ELAC1: variants seen among roughly 807,000 people sequenced by gnomAD.
ELAC1 encodes the protein elaC ribonuclease Z 1.
A neutral mutation model predicts 25.8 loss-of-function variants in ELAC1; 19 were observed. That is an observed-to-expected ratio of 0.74 (90% CI 0.51 to 1.08). The LOEUF (loss-of-function observed/expected upper bound fraction) is 1.08. ELAC1 is among the 50% of genes least tolerant of loss of function. ELAC1 has a pLI of 0.00. For synonymous variants in ELAC1, 148 were observed against 160.9 expected (o/e 0.92, Z 0.61); for missense variants, 403 against 434.6 (o/e 0.93, Z 0.65).
At chr18:50,986,011 CTTTTTTTTTTTTT>C (rs34348056) in intron 3 of ELAC1, among the ~76,000 whole-genome samples, 3 of 85,010 alleles carry the variant, frequency 3.5e-5, no homozygotes, top group African/African-American at 1.4e-4. Flanking sequence ...TTGATTATAT[CTTTTTTTTTTTTT>C]TTTTTTTTTT....
At chr18:50,981,692 T>G (rs1907952766) in intron 2 of ELAC1, among the ~76,000 whole-genome samples, 1 of 152,172 alleles carries the variant, frequency 6.6e-6, no homozygotes, top group Non-Finnish European at 1.5e-5. Flanking sequence ...AGGAAGCAGT[T>G]TGTCACTTAA....
At chr18:50,975,696 C>T (rs1907782578) in intron 2 of ELAC1, among the ~76,000 whole-genome samples, 1 of 151,992 alleles carries the variant, frequency 6.6e-6, no homozygotes, top group African/African-American at 2.4e-5. Context: ...GTACCTGGCA[C>T]TTGGTGACTA....
Position 50,974,467 on chromosome 18 carries a change from C to G in ELAC1, c.63C>G (p.Ala21=), listed in dbSNP as rs1405173331. The G allele has an allele frequency of 1.9e-6, 3 of 1,604,106 alleles. No individual in the cohort carries two copies. Among genetic ancestry groups the G allele is most frequent in the South Asian group, 2.2e-5 (2 of 89,806 alleles). ...GAAYPSPTRG[A]SAVVLRCEGE... ...CATACCCATCTCCAACCCGGGGTGC[C>G]TCTGCTGTGGTCCTTCGGTGTGAAG... Residue 21 remains alanine, a synonymous_variant, in exon 2 of 4, where the codon GCC becomes GCG. Coordinates refer to ENST00000269466, the MANE Select transcript of ELAC1 (RefSeq NM_018696.3).
In ELAC1 at chr18:50,977,064, C is replaced by T. The variant is rs183297478; in HGVS notation, c.157+2503C>T. ...GTCTTGGGCAGCTCTACTCCTGTGG[C>T]TTTACAGGGTATAGCCCACTTCCTG... On this transcript the variant is annotated intron_variant, in intron 2 of 3. Transcript: ENST00000269466. Among the ~76,000 whole-genome samples, 811 of 152,316 alleles carry T rather than the reference C, an allele frequency of 5.3e-3. 4 individuals are homozygous for T. The highest frequency in any genetic ancestry group is 8.2e-3 in the Non-Finnish European group (560 of 68,022).
chr18:50,975,978 A>G (rs973459855), intron 2 of ELAC1, among the ~76,000 whole-genome samples: 8 of 152,192 alleles, frequency 5.3e-5, no homozygotes, highest in Non-Finnish European at 1.2e-4. Flanking sequence ...AACAGACAAC[A>G]AAGTGAGCAA....
intron 1 of ELAC1, among the ~76,000 whole-genome samples, chr18:50,970,255 T>A (rs963958853): frequency 6.6e-6 from 1 of 152,146 alleles, no homozygotes; most frequent in African/African-American, 2.4e-5. Context: ...GTACCTGACC[T>A]TCACTGATAT....
chr18:50,978,972 G>A (rs1013293356), intron 2 of ELAC1, among the ~76,000 whole-genome samples: 1 of 152,124 alleles, frequency 6.6e-6, no homozygotes, highest in Non-Finnish European at 1.5e-5. Flanking sequence ...TTCTTGGATC[G>A]TACAGAGATT....
chr18:50,979,777 A>G (rs1045391953), intron 2 of ELAC1, among the ~76,000 whole-genome samples: 1 of 151,954 alleles, frequency 6.6e-6, no homozygotes, highest in African/African-American at 2.4e-5. Context: ...CTCAGGCTGG[A>G]GTGCAGTGGT....
chr18:50,975,522 G>T (rs969364755), intron 2 of ELAC1, among the ~76,000 whole-genome samples: 2 of 151,106 alleles, frequency 1.3e-5, no homozygotes, highest in Non-Finnish European at 3.0e-5. Flanking sequence ...ATACCTAGTA[G>T]ATGCCTAGTT....
rs552674963 is a variant in ELAC1 at position 50,972,570 on chromosome 18, C to T, written c.-8-1827C>T. Among the ~76,000 whole-genome samples the T allele has an allele frequency of 6.4e-4, 98 of 152,274 alleles. 1 individual carries two copies. Among genetic ancestry groups the T allele is most frequent in the African/African-American group, 2.3e-3 (95 of 41,538 alleles). On this transcript the variant is annotated intron_variant, in intron 1 of 3. Transcript: ENST00000269466. The stretch of plus-strand genomic sequence containing the variant: ...AATCTTGGCTCACTATGACTGCCGC[C>T]TCCCAGGTTCAAGCAATTCTGCTGC...
intron 2 of ELAC1, 51 bp from the exon 3 acceptor site, chr18:50,984,044 GT>G (rs1908030744): frequency 5.5e-6 from 7 of 1,283,836 alleles, no homozygotes; most frequent in Non-Finnish European, 6.5e-6. Context: ...CTTTGTATGG[GT>G]TTTTAGTTAA....
chr18:50,977,658 A>G (rs1370464602), intron 2 of ELAC1, among the ~76,000 whole-genome samples: 1 of 152,240 alleles, frequency 6.6e-6, no homozygotes, highest in African/African-American at 2.4e-5. Context: ...CTTGGTGATT[A>G]ACATTTGGCT....
chr18:50,987,195 C>A lies in ELAC1; in HGVS notation c.*110C>A. 2 of 780,220 alleles carry A rather than the reference C, an allele frequency of 2.6e-6. No individual in the cohort carries two copies. Among genetic ancestry groups the A allele is most frequent in the South Asian group, 3.6e-5 (1 of 28,010 alleles). 48.3% of individuals were successfully genotyped at this position (780,220 alleles called of 1,614,324 possible). On this transcript the variant is annotated 3_prime_UTR_variant, in exon 4 of 4. Coordinates refer to ENST00000269466, the MANE Select transcript of ELAC1 (RefSeq NM_018696.3). ...CTGAAATTATTTGGGCCCTAATAAT[C>A]CTAAAAAGAATGGAGCTGCATTGAT...
chr18:50,987,293 C>T lies in ELAC1; in HGVS notation c.*208C>T, dbSNP rs1047163063. On this transcript the variant is annotated 3_prime_UTR_variant, in exon 4 of 4. Coordinates refer to ENST00000269466, the MANE Select transcript of ELAC1 (RefSeq NM_018696.3). ...TTTTAAGAGAAAAAAAACCCAGCAT[C>T]CTTTTTGAAGTCCAGATTTGTCAAA... The T allele has an allele frequency of 2.4e-6, 1 of 413,258 alleles. No individual in the cohort carries two copies. The highest frequency in any genetic ancestry group is 2.0e-5 in the African/African-American group (1 of 49,164). The allele number at this position is 413,258 out of a possible 1,614,324, so 25.6% of individuals were successfully genotyped here.
chr18:50,983,837 G>C (rs904774405), intron 2 of ELAC1, among the ~76,000 whole-genome samples: 2 of 150,828 alleles, frequency 1.3e-5, no homozygotes, highest in African/African-American at 4.9e-5. Context: ...CTGGATGACA[G>C]AGCAAGACCT....
chr18:50,985,160 G>A (rs138816212), intron 3 of ELAC1, among the ~76,000 whole-genome samples: 1 of 152,294 alleles, frequency 6.6e-6, no homozygotes, highest in East Asian at 1.9e-4. Context: ...TTGGCAAGGT[G>A]ATTTGGGTGG....
At chr18:50,970,927 T>C (rs1303743526) in intron 1 of ELAC1, among the ~76,000 whole-genome samples, 2 of 152,146 alleles carry the variant, frequency 1.3e-5, no homozygotes, top group Non-Finnish European at 2.9e-5. Flanking sequence ...GGTATTGTTA[T>C]AAAAACGAGA....
At chr18:50,976,147 G>T (rs1284383214) in intron 2 of ELAC1, among the ~76,000 whole-genome samples, 1 of 152,110 alleles carries the variant, frequency 6.6e-6, no homozygotes, top group African/African-American at 2.4e-5. Flanking sequence ...CTGGGAAAAA[G>T]GAACCATTCA....
Position 50,974,431 on chromosome 18 carries a change from G to A in ELAC1, c.27G>A (p.Gly9=), listed in dbSNP as rs893257849. The change falls in exon 2 of 4, where the codon GGG becomes GGA. Residue 9 remains glycine (G), a synonymous_variant. Coordinates refer to ENST00000269466, the MANE Select transcript of ELAC1 (RefSeq NM_018696.3). ...TGTCTATGGATGTGACATTCCTGGG[G>A]ACGGGTGCAGCATACCCATCTCCAA... is the stretch of plus-strand genomic sequence containing the variant. MSMDVTFL[G]TGAAYPSPTR... is the part of the protein sequence containing the mutation. The A allele has an allele frequency of 7.1e-6, 11 of 1,559,550 alleles. No homozygotes were observed. The highest frequency in any genetic ancestry group is 8.7e-6 in the Non-Finnish European group (10 of 1,154,656).
Sources: gnomAD v4.1 joint callset for allele counts (sites outside exome capture counted in the v4.1 genomes callset) on GRCh38, gnomAD v4.1.1 for gene constraint, MANE v1.5 for transcripts, NCBI Gene and HGNC (gene_info 2026-07-23, HGNC 2026-07-21) for gene names.